Variants in CDH26 observed in about 807,000 individuals in gnomAD.
The protein encoded by CDH26 is cadherin 26.
A neutral mutation model predicts 90.3 loss-of-function variants in CDH26; 83 were observed. The ratio of observed to expected loss-of-function variants is 0.92; its 90% CI spans 0.77 to 1.10. CDH26 has a LOEUF of 1.10. Ranked by LOEUF, CDH26 falls within the 50% of genes least tolerant of loss-of-function variation. The pLI is 0.00. For synonymous variants in CDH26, 397 were observed against 396.3 expected (o/e 1.00, Z -0.02); for missense variants, 1,013 against 1,037.6 (o/e 0.98, Z 0.33).
chr20:59,996,186 G>A (rs1395477430), intron 12 of CDH26, 132 bp downstream of exon 12: 1 of 1,036,380 alleles, frequency 9.6e-7, no homozygotes, highest in African/African-American at 1.6e-5. Context: ...TGACTTCTGG[G>A]TGTACTCAGG....
At chr20:60,026,684 G>A (rs978895018) in intron 7 of CDH26, among the ~76,000 whole-genome samples, 1 of 152,226 alleles carries the variant, frequency 6.6e-6, no homozygotes, top group African/African-American at 2.4e-5. Context: ...CCCAGAGCCT[G>A]TAGGAAGGAG....
In CDH26 at chr20:60,014,136, C is replaced by T. The variant is rs991825494; in HGVS notation, c.*1406C>T. On this transcript the variant is annotated 3_prime_UTR_variant, in exon 18 of 18. Coordinates refer to ENST00000348616, the MANE Select transcript of CDH26 (RefSeq NM_177980.4). ...CCCCTGTAGATTTTTAAAAAATTAT[C>T]TCATTTTAAAACTTTATTATTTCAT... The T allele has an allele frequency of 2.0e-5, 3 of 151,822 alleles. No homozygotes were observed. The highest frequency in any genetic ancestry group is 6.6e-5 in the Admixed American group (1 of 15,252). 9.4% of individuals were successfully genotyped at this position (151,822 alleles called of 1,614,324 possible). A position where few individuals can be genotyped will look rare whatever the true frequency, so the allele number is the denominator to read the frequency against.
chr20:59,969,888 G>A lies in CDH26; in HGVS notation c.127-194G>A, dbSNP rs538838966. ...CAAATCATCGGACAGCATCCACCCCGTGGTTAGAGATGACTCTACAGCTAT... is the reference window on the plus strand; with the variant it reads ...CAAATCATCGGACAGCATCCACCCCATGGTTAGAGATGACTCTACAGCTAT... On this transcript the variant is annotated intron_variant, in intron 2 of 17. Transcript: ENST00000348616. 3.5e-3 allele frequency among the ~76,000 whole-genome samples: 534 copies of A among 152,260 alleles called. 3 individuals are homozygous for A. The highest frequency in any genetic ancestry group is 0.012 in the African/African-American group (509 of 41,552).
In CDH26 at chr20:59,979,601, C is replaced by CTTTT. The variant is rs559969476; in HGVS notation, c.394-3282_394-3279dup. On this transcript the variant is annotated intron_variant, in intron 4 of 17. Transcript: ENST00000348616. ...TGTGGTGAGATAAAGCTGCTATGCA[C>CTTTT]TTTTTTTTTTTTTTTTTTTTTTTTT... 6.9e-4 allele frequency among the ~76,000 whole-genome samples: 33 copies of CTTTT among 47,496 alleles called. 4 individuals are homozygous for CTTTT. Among genetic ancestry groups the CTTTT allele is most frequent in the Middle Eastern group, 0.018 (1 of 56 alleles). The allele number at this position is 47,496 out of a possible 152,430, so 31.2% of individuals were successfully genotyped here.
chr20:60,028,838 T>G (rs1225579470), intron 7 of CDH26, among the ~76,000 whole-genome samples: 1 of 152,214 alleles, frequency 6.6e-6, no homozygotes, highest in Non-Finnish European at 1.5e-5. Context: ...TGAGGATATA[T>G]TCAAAGAATA....
chr20:59,994,618 C>G, intron 11 of CDH26, 129 bp downstream of exon 11: 2 of 1,174,058 alleles, frequency 1.7e-6, no homozygotes, highest in Non-Finnish European at 1.2e-6. Flanking sequence ...AGAGCTGGCT[C>G]TAGGTGCTCA....
intron 7 of CDH26, among the ~76,000 whole-genome samples, chr20:60,026,389 TTAGA>T (rs1471817425): frequency 2.1e-5 from 1 of 48,748 alleles, no homozygotes; most frequent in Non-Finnish European, 4.1e-5. Context: ...CTGGCTGGAG[TTAGA>T]GAGAGAGAGA....
At chr20:60,029,101 G>A (rs967379429) in intron 7 of CDH26, among the ~76,000 whole-genome samples, 1 of 152,200 alleles carries the variant, frequency 6.6e-6, no homozygotes, top group African/African-American at 2.4e-5. Flanking sequence ...GGATTGGAAG[G>A]TTTCACCGAT....
In CDH26 at chr20:60,023,029, C is replaced by T. The variant is rs376398496; in HGVS notation, c.948-8202C>T. Among the ~76,000 whole-genome samples, 18 of 152,350 alleles carry T rather than the reference C, an allele frequency of 1.2e-4. No individual in the cohort carries two copies. The East Asian group carries it at 2.9e-3, about 24-fold the overall frequency. On this transcript the variant is annotated intron_variant, in intron 7 of 8. Coordinates refer to the CDH26 transcript ENST00000370991. Reference sequence around the variant, plus strand: ...TGACTAAATTCTGGCCAATGGGAGGCAACTTCCAGGAAGTGTCCTTGAAGA... The same window carrying T: ...TGACTAAATTCTGGCCAATGGGAGGTAACTTCCAGGAAGTGTCCTTGAAGA...
chr20:59,976,972 G>A (rs1224720423), intron 4 of CDH26, among the ~76,000 whole-genome samples: 2 of 152,142 alleles, frequency 1.3e-5, no homozygotes, highest in African/African-American at 2.4e-5. Flanking sequence ...GCACTGAGTA[G>A]CCATAGAGTG....
intron 7 of CDH26, chr20:59,985,879 A>T (rs2061452476): frequency 1.3e-5 from 2 of 152,226 alleles, no homozygotes; most frequent in Admixed American, 1.3e-4. Context: ...CAGATGGGAA[A>T]ACTGAGGTCT....
intron 1 of CDH26, among the ~76,000 whole-genome samples, chr20:59,967,951 CTTTCTAT>C (rs2061190431): frequency 1.2e-5 from 1 of 83,992 alleles, no homozygotes; most frequent in African/African-American, 7.3e-5. Context: ...TTCTTTCTTT[CTTTCTAT>C]CTTTCTTTCT....
downstream of CDH26, among the ~76,000 whole-genome samples, chr20:60,018,702 C>CTTTT (rs55994712): frequency 3.6e-3 from 64 of 17,812 alleles, 6 homozygotes; most frequent in African/African-American, 6.6e-3. Context: ...CTCTTACTGC[C>CTTTT]TTTTTTTTTT....
At chr20:60,011,476 G>A (rs2061840790) in intron 17 of CDH26, among the ~76,000 whole-genome samples, 1 of 152,164 alleles carries the variant, frequency 6.6e-6, no homozygotes, top group Non-Finnish European at 1.5e-5. Context: ...AAATAAATAT[G>A]TGTTCTGATA....
rs182920767 is a variant in CDH26 at position 59,967,888 on chromosome 20, C to T, written c.70-1079C>T. ...TTCTTTCTTTCTTTCTTCCTTCCTT[C>T]CTTCCTTCCTTCCTTCCTTCCTTTC... On this transcript the variant is annotated intron_variant, in intron 1 of 17. Coordinates refer to ENST00000348616, the MANE Select transcript of CDH26 (RefSeq NM_177980.4). Among the ~76,000 whole-genome samples, 715 of 116,140 alleles carry T rather than the reference C, an allele frequency of 6.2e-3. 20 individuals are homozygous for T. The highest frequency in any genetic ancestry group is 0.027 in the African/African-American group (598 of 22,008). The allele number at this position is 116,140 out of a possible 152,430, so 76.2% of individuals were successfully genotyped here. A position where few individuals can be genotyped will look rare whatever the true frequency, so the allele number is the denominator to read the frequency against.
At chr20:60,006,639 C>T in intron 16 of CDH26, 74 bp from the exon 17 acceptor site, 1 of 1,045,114 alleles carries the variant, frequency 9.6e-7, no homozygotes. Flanking sequence ...TATGCTGGGG[C>T]CACTGACACA....
intron 11 of CDH26, among the ~76,000 whole-genome samples, chr20:59,995,238 G>A (rs984077186): frequency 3.3e-5 from 5 of 152,114 alleles, no homozygotes; most frequent in Non-Finnish European, 7.4e-5. Flanking sequence ...CTTTACCTGG[G>A]GTGTCTTGGG....
chr20:59,994,641 G>C, intron 11 of CDH26, 152 bp downstream of exon 11: 1 of 948,124 alleles, frequency 1.1e-6, no homozygotes, highest in Non-Finnish European at 1.5e-6. Flanking sequence ...GGATATCCCT[G>C]GATATCCTTC....
intron 10 of CDH26, among the ~76,000 whole-genome samples, chr20:59,993,478 A>C (rs1299594587): frequency 6.6e-6 from 1 of 152,182 alleles, no homozygotes; most frequent in African/African-American, 2.4e-5. Context: ...GTGTATCCAT[A>C]GCTTAGCTCC....
Sources: allele counts gnomAD v4.1 joint callset (sites outside exome capture counted in the v4.1 genomes callset), GRCh38; gene constraint gnomAD v4.1.1; transcripts MANE v1.5; gene names NCBI Gene and HGNC (gene_info 2026-07-23, HGNC 2026-07-21).